DNAAF11: variants seen among roughly 807,000 people sequenced by gnomAD.
DNAAF11 encodes the protein leucine rich repeat containing 6.
A neutral mutation model predicts 60.8 loss-of-function variants in DNAAF11; 45 were observed. The observed-to-expected ratio is 0.74, with a 90% CI of 0.58 to 0.95. The LOEUF is 0.95. Among genes scored for constraint, DNAAF11 ranks in the 40% least tolerant of loss-of-function variants. The pLI, the probability that DNAAF11 is intolerant of heterozygous loss-of-function variation, is 0.00. For synonymous variants in DNAAF11, 191 were observed against 183.5 expected (o/e 1.04, Z -0.33); for missense variants, 546 against 546.2 (o/e 1.00, Z 0.00).
intron 10 of DNAAF11, among the ~76,000 whole-genome samples, chr8:132,591,731 C>A (rs1394931336): frequency 6.6e-6 from 1 of 151,896 alleles, no homozygotes; most frequent in African/African-American, 2.4e-5. Context: ...GGTAAGCCCT[C>A]AACAATTATT....
chr8:132,702,846 C>T, the DNAAF11 span, among the ~76,000 whole-genome samples: 3 of 152,180 alleles, frequency 2.0e-5, no homozygotes, highest in South Asian at 2.1e-4. Flanking sequence ...AAGTATCATG[C>T]TATACTGCGA....
rs1171834143 is a variant in DNAAF11, at chr8:132,674,160, A to AGGAGGAAGAGAAGG, written c.10+1323_10+1324insCCTTCTCTTCCTCC. ...GAAGGAGGAGGAAGAGGAGGAGGAG[A>AGGAGGAAGAGAAGG]AGGAGAAGGAGGAGGAGGAGAAGGA... On this transcript the variant is annotated intron_variant, in intron 1 of 11. Transcript: ENST00000620350. Among the ~76,000 whole-genome samples, 25 of 38,950 alleles carry AGGAGGAAGAGAAGG rather than the reference A, an allele frequency of 6.4e-4. 1 individual carries two copies. The highest frequency in any genetic ancestry group is 2.4e-3 in the African/African-American group (23 of 9,768). The allele number at this position is 38,950 out of a possible 152,430, so 25.6% of individuals were successfully genotyped here.
chr8:132,612,094 A>C (rs1325112728), intron 8 of DNAAF11, among the ~76,000 whole-genome samples: 1 of 152,162 alleles, frequency 6.6e-6, no homozygotes, highest in Non-Finnish European at 1.5e-5. Context: ...ATAGGTTTGG[A>C]GTCACACAGG....
At chr8:132,603,582 A>G (rs139864585) in intron 10 of DNAAF11, among the ~76,000 whole-genome samples, 5 of 148,512 alleles carry the variant, frequency 3.4e-5, no homozygotes, top group Non-Finnish European at 7.4e-5. Flanking sequence ...CATCAAAGAG[A>G]GATGTTTTAG....
At chr8:132,575,667 T>C (rs956254133) in intron 11 of DNAAF11, among the ~76,000 whole-genome samples, 2 of 152,130 alleles carry the variant, frequency 1.3e-5, no homozygotes, top group Admixed American at 6.5e-5. Context: ...ACTTGGCATC[T>C]GGCACTGGGC....
At chr8:132,621,125 C>T (rs1586606255) in intron 7 of DNAAF11, among the ~76,000 whole-genome samples, 1 of 152,198 alleles carries the variant, frequency 6.6e-6, no homozygotes, top group East Asian at 1.9e-4. Context: ...ATGGCTTGTC[C>T]TTCAACAGAG....
At chr8:132,690,555 T>A in the DNAAF11 span, among the ~76,000 whole-genome samples, 1 of 152,158 alleles carries the variant, frequency 6.6e-6, no homozygotes, top group African/African-American at 2.4e-5. Flanking sequence ...ATACTATATT[T>A]GTTACAATCA....
At chr8:132,699,776 A>G in the DNAAF11 span, among the ~76,000 whole-genome samples, 1 of 152,226 alleles carries the variant, frequency 6.6e-6, no homozygotes, top group Admixed American at 6.5e-5. Context: ...AAAGGAAAGA[A>G]GTGCTAATAC....
chr8:132,662,339 T>C (rs1411388689), intron 1 of DNAAF11, among the ~76,000 whole-genome samples: 1 of 152,154 alleles, frequency 6.6e-6, no homozygotes. Flanking sequence ...GCCAGGAGAC[T>C]GGACATAGCA....
chr8:132,638,401 A>G (rs1821523976), intron 3 of DNAAF11, among the ~76,000 whole-genome samples: 1 of 152,146 alleles, frequency 6.6e-6, no homozygotes, highest in African/African-American at 2.4e-5. Context: ...TTTGGTCACT[A>G]TCTGGCATGA....
chr8:132,603,186 T>C (rs1817800476), intron 10 of DNAAF11, among the ~76,000 whole-genome samples: 1 of 152,194 alleles, frequency 6.6e-6, no homozygotes, highest in South Asian at 2.1e-4. Context: ...TAGTCCATCT[T>C]CTTAAGTTCT....
chr8:132,692,731 T>A, the DNAAF11 span, among the ~76,000 whole-genome samples: 1 of 152,170 alleles, frequency 6.6e-6, no homozygotes, highest in African/African-American at 2.4e-5. Flanking sequence ...AATTCCCAGC[T>A]ACCTATGTTC....
At chr8:132,604,674 T>C (rs983043530) in intron 10 of DNAAF11, among the ~76,000 whole-genome samples, 3 of 152,156 alleles carry the variant, frequency 2.0e-5, no homozygotes, top group Admixed American at 1.3e-4. Flanking sequence ...AAAGATTATG[T>C]ACATAGAACT....
the DNAAF11 span, among the ~76,000 whole-genome samples, chr8:132,699,966 A>G: frequency 6.6e-6 from 1 of 152,142 alleles, no homozygotes; most frequent in Non-Finnish European, 1.5e-5. Flanking sequence ...CTGCTTAATG[A>G]GCACAGGATT....
At chr8:132,675,392 G>A in intron 1 of DNAAF11, 92 bp downstream of exon 1, 1 of 1,400,418 alleles carries the variant, frequency 7.1e-7, no homozygotes, top group Non-Finnish European at 9.7e-7. Context: ...AACCGACAGC[G>A]CAGGGCGGGA....
the DNAAF11 span, among the ~76,000 whole-genome samples, chr8:132,697,012 A>T: frequency 6.6e-6 from 1 of 152,242 alleles, no homozygotes; most frequent in African/African-American, 2.4e-5. Context: ...TTACCTATGT[A>T]ACAAACCTGC....
chr8:132,659,323 A>G (rs921101324), intron 2 of DNAAF11, among the ~76,000 whole-genome samples: 2 of 152,232 alleles, frequency 1.3e-5, no homozygotes, highest in Non-Finnish European at 2.9e-5. Flanking sequence ...TACTTGCTAA[A>G]TAAGTGCCTA....
At chr8:132,613,084 G>A (rs1170508808) in intron 8 of DNAAF11, among the ~76,000 whole-genome samples, 1 of 152,228 alleles carries the variant, frequency 6.6e-6, no homozygotes, top group African/African-American at 2.4e-5. Flanking sequence ...GAAGCTGGAG[G>A]AGCAGAGGAT....
intron 6 of DNAAF11, among the ~76,000 whole-genome samples, chr8:132,624,045 A>T (rs1820011287): frequency 6.6e-6 from 1 of 152,194 alleles, no homozygotes; most frequent in African/African-American, 2.4e-5. Context: ...GAGTAAAAAA[A>T]ATTTCTCCTT....
Sources: gnomAD v4.1 joint callset for allele counts (sites outside exome capture counted in the v4.1 genomes callset) on GRCh38, gnomAD v4.1.1 for gene constraint, MANE v1.5 for transcripts, NCBI Gene and HGNC (gene_info 2026-07-23, HGNC 2026-07-21) for gene names.